WDR72: variants seen among roughly 807,000 people sequenced by gnomAD.
The protein encoded by WDR72 is WD repeat domain 72.
In WDR72, 120 loss-of-function variants were observed where a neutral mutation model predicts 124.2. The ratio of observed to expected loss-of-function variants is 0.97; its 90% CI spans 0.83 to 1.12. The LOEUF is 1.12. WDR72 is among the 50% of genes most tolerant of loss of function. The pLI is 0.00. For missense variants in WDR72, 1,387 were observed against 1,278.8 expected (o/e 1.08, Z -1.29); for synonymous variants, 452 against 441.7 (o/e 1.02, Z -0.29).
At chr15:53,738,533 AG>A (rs1453794770) in intron 1 of WDR72, among the ~76,000 whole-genome samples, 1 of 152,202 alleles carries the variant, frequency 6.6e-6, no homozygotes, top group Non-Finnish European at 1.5e-5. Flanking sequence ...AAATTTGGAA[AG>A]GTAAGTGAAA....
At chr15:53,564,865 C>T (rs1348313283) in intron 18 of WDR72, among the ~76,000 whole-genome samples, 1 of 151,742 alleles carries the variant, frequency 6.6e-6, no homozygotes. Context: ...GCAGAAAAAC[C>T]ACCCAAAAAT....
intron 1 of WDR72, among the ~76,000 whole-genome samples, chr15:53,746,646 A>G (rs1000341628): frequency 6.6e-6 from 1 of 152,172 alleles, no homozygotes; most frequent in African/African-American, 2.4e-5. Context: ...TTCAAAACTC[A>G]TAGGTACTGT....
intron 18 of WDR72, among the ~76,000 whole-genome samples, chr15:53,562,078 T>G (rs1026837357): frequency 6.6e-6 from 1 of 151,848 alleles, no homozygotes; most frequent in African/African-American, 2.4e-5. Flanking sequence ...TTAAGTAAAT[T>G]TTCTCATTTA....
chr15:53,579,873 G>T (rs1362103409), intron 18 of WDR72, among the ~76,000 whole-genome samples: 1 of 152,068 alleles, frequency 6.6e-6, no homozygotes, highest in South Asian at 2.1e-4. Context: ...AAAGATCAAG[G>T]GCTGGGGCCA....
At chr15:53,679,965 G>A (rs1435647618) in intron 13 of WDR72, among the ~76,000 whole-genome samples, 1 of 147,196 alleles carries the variant, frequency 6.8e-6, no homozygotes, top group Admixed American at 6.7e-5. Flanking sequence ...AGAAAAGGAA[G>A]AATACTTACA....
intron 13 of WDR72, among the ~76,000 whole-genome samples, chr15:53,672,366 C>A (rs79047581): frequency 1.3e-5 from 2 of 148,388 alleles, no homozygotes; most frequent in African/African-American, 5.0e-5. Context: ...TTTCAGGAGA[C>A]GAGCATAAAC....
intron 2 of WDR72, among the ~76,000 whole-genome samples, chr15:53,727,048 A>G (rs1386409200): frequency 6.6e-6 from 1 of 152,074 alleles, no homozygotes; most frequent in African/African-American, 2.4e-5. Context: ...TCGGTGGCTC[A>G]TGCCTGTAAT....
At chr15:53,583,283 A>T (rs1178530412) in intron 18 of WDR72, among the ~76,000 whole-genome samples, 1 of 152,050 alleles carries the variant, frequency 6.6e-6, no homozygotes, top group Non-Finnish European at 1.5e-5. Flanking sequence ...TTCAAAAGTA[A>T]CCTGTTGTAT....
At chr15:53,726,244 G>GTATA in intron 2 of WDR72, among the ~76,000 whole-genome samples, 1 of 121,936 alleles carries the variant, frequency 8.2e-6, no homozygotes, top group South Asian at 2.7e-4. Flanking sequence ...ATGTATGTGT[G>GTATA]TATATATATA....
intron 14 of WDR72, among the ~76,000 whole-genome samples, chr15:53,639,195 G>T (rs768260758): frequency 5.9e-5 from 9 of 151,708 alleles, no homozygotes; most frequent in Non-Finnish European, 1.0e-4. Flanking sequence ...TTCATAGTTT[G>T]TTAACCATTA....
chr15:53,719,212 T>G (rs2017803278), intron 3 of WDR72, among the ~76,000 whole-genome samples: 1 of 152,198 alleles, frequency 6.6e-6, no homozygotes, highest in Non-Finnish European at 1.5e-5. Context: ...TTTGCCATCT[T>G]GCATTGGAAG....
intron 13 of WDR72, among the ~76,000 whole-genome samples, chr15:53,669,570 AT>A (rs898176138): frequency 4.7e-4 from 71 of 152,076 alleles, no homozygotes; most frequent in African/African-American, 1.3e-3. Flanking sequence ...TTACTGCATC[AT>A]TTTTTTTCCT....
At chr15:53,741,393 G>C (rs1340780257) in intron 1 of WDR72, among the ~76,000 whole-genome samples, 1 of 152,128 alleles carries the variant, frequency 6.6e-6, no homozygotes, top group Non-Finnish European at 1.5e-5. Context: ...GAACAATCCA[G>C]ATTTGCTATG....
intron 14 of WDR72, among the ~76,000 whole-genome samples, chr15:53,631,364 C>T (rs2140395010): frequency 6.6e-6 from 1 of 152,314 alleles, no homozygotes; most frequent in East Asian, 1.9e-4. Context: ...GTAGAGCCTG[C>T]AGAACTGTAA....
At chr15:53,626,594 G>C (rs979953675) in intron 14 of WDR72, among the ~76,000 whole-genome samples, 11 of 152,190 alleles carry the variant, frequency 7.2e-5, no homozygotes, top group Admixed American at 3.9e-4. Context: ...GGACCCAAAG[G>C]GGGTTGCAGT....
chr15:53,606,243 C>T (rs1178838074), intron 17 of WDR72, among the ~76,000 whole-genome samples: 3 of 152,110 alleles, frequency 2.0e-5, no homozygotes, highest in Admixed American at 2.0e-4. Flanking sequence ...TCTGCTGAAT[C>T]CTTCTTTTTA....
At chr15:53,625,647 G>A (rs2014175403) in intron 14 of WDR72, among the ~76,000 whole-genome samples, 1 of 152,146 alleles carries the variant, frequency 6.6e-6, no homozygotes, top group African/African-American at 2.4e-5. Flanking sequence ...TCTGCAAGTA[G>A]AATCCCAGAT....
At chr15:53,732,857 A>T in intron 2 of WDR72, 140 bp downstream of exon 2, 1 of 1,011,242 alleles carries the variant, frequency 9.9e-7, no homozygotes, top group Admixed American at 1.9e-5. Context: ...CTCAAAATTC[A>T]GAAGTAAAAT....
At chr15:53,619,623 A>G in intron 14 of WDR72, among the ~76,000 whole-genome samples, 1 of 151,996 alleles carries the variant, frequency 6.6e-6, no homozygotes, top group Non-Finnish European at 1.5e-5. Flanking sequence ...TTAGAGGACA[A>G]TGAGCTTATG....
Sources: gnomAD v4.1 joint callset for allele counts (sites outside exome capture counted in the v4.1 genomes callset) on GRCh38, gnomAD v4.1.1 for gene constraint, MANE v1.5 for transcripts, NCBI Gene and HGNC (gene_info 2026-07-23, HGNC 2026-07-21) for gene names.